CNTNAP2: variants seen among roughly 807,000 people sequenced by gnomAD.
The protein encoded by CNTNAP2 is contactin-associated protein-like 2.
In CNTNAP2, 98 loss-of-function variants were observed where a neutral mutation model predicts 155.2. That is an observed-to-expected ratio of 0.63 (90% CI 0.54 to 0.75). The LOEUF (loss-of-function observed/expected upper bound fraction) is 0.75, where lower values mean the gene tolerates loss of function less well. CNTNAP2 is among the 30% of genes least tolerant of loss of function. The pLI is 0.00. For missense variants in CNTNAP2, 1,727 were observed against 1,688.1 expected (o/e 1.02, Z -0.40); for synonymous variants, 651 against 631.2 (o/e 1.03, Z -0.47).
At chr7:148,242,380 A>C (rs1462417491) in intron 20 of CNTNAP2, among the ~76,000 whole-genome samples, 1 of 152,184 alleles carries the variant, frequency 6.6e-6, no homozygotes, top group East Asian at 1.9e-4. Flanking sequence ...GGCAGGGAGA[A>C]GTCAGTCCTG....
At chr7:147,731,967 T>G (rs1045305168) in intron 13 of CNTNAP2, among the ~76,000 whole-genome samples, 1 of 152,114 alleles carries the variant, frequency 6.6e-6, no homozygotes, top group African/African-American at 2.4e-5. Flanking sequence ...GTGACTGAAT[T>G]GCTGTAATTT....
chr7:146,804,459 T>C (rs1802933097), intron 2 of CNTNAP2, among the ~76,000 whole-genome samples: 1 of 152,116 alleles, frequency 6.6e-6, no homozygotes, highest in African/African-American at 2.4e-5. Flanking sequence ...TCTCCAGGGA[T>C]TTTCATCACC....
intron 1 of CNTNAP2, among the ~76,000 whole-genome samples, chr7:146,563,980 CCT>C (rs1798319371): frequency 6.6e-6 from 1 of 152,038 alleles, no homozygotes; most frequent in Non-Finnish European, 1.5e-5. Flanking sequence ...TTGTATTTCC[CCT>C]CTCATGTCCA....
intron 8 of CNTNAP2, among the ~76,000 whole-genome samples, chr7:147,249,192 T>C (rs776576585): frequency 6.6e-6 from 1 of 152,162 alleles, no homozygotes; most frequent in Admixed American, 6.5e-5. Context: ...CCAGGGACTC[T>C]TTGAGTCAAC....
chr7:146,469,532 T>G (rs1339194962), intron 1 of CNTNAP2, among the ~76,000 whole-genome samples: 2 of 141,290 alleles, frequency 1.4e-5, no homozygotes, highest in African/African-American at 5.3e-5. Flanking sequence ...TTTTTTTTTT[T>G]TTTTTTTTAA....
intron 13 of CNTNAP2, among the ~76,000 whole-genome samples, chr7:147,735,643 T>A (rs970579105): frequency 2.0e-4 from 31 of 152,304 alleles, no homozygotes; most frequent in Non-Finnish European, 3.5e-4. Context: ...CCCATTATTA[T>A]TGTGTGGGAG....
chr7:148,288,571 CT>C (rs1453504636), intron 21 of CNTNAP2, among the ~76,000 whole-genome samples: 3 of 152,140 alleles, frequency 2.0e-5, no homozygotes, highest in Non-Finnish European at 2.9e-5. Context: ...ACCATAGCAT[CT>C]TCTTTAAGAT....
chr7:146,698,458 T>C (rs1230635135), intron 1 of CNTNAP2, among the ~76,000 whole-genome samples: 3 of 152,138 alleles, frequency 2.0e-5, no homozygotes, highest in Admixed American at 6.5e-5. Flanking sequence ...TATTTAAATA[T>C]TTAAAATTTT....
intron 21 of CNTNAP2, among the ~76,000 whole-genome samples, chr7:148,288,919 C>T (rs2177998): frequency 7.4e-6 from 1 of 135,406 alleles, no homozygotes; most frequent in East Asian, 2.1e-4. Flanking sequence ...TTTTTAATTA[C>T]AACAGATTAA....
intron 19 of CNTNAP2, among the ~76,000 whole-genome samples, chr7:148,224,018 A>G (rs899194632): frequency 2.6e-5 from 4 of 152,030 alleles, no homozygotes; most frequent in Admixed American, 1.3e-4. Context: ...GCATGGCTGT[A>G]TGTGTTATAA....
chr7:148,324,414 T>C (rs1797854099), intron 21 of CNTNAP2, among the ~76,000 whole-genome samples: 1 of 152,116 alleles, frequency 6.6e-6, no homozygotes, highest in Non-Finnish European at 1.5e-5. Flanking sequence ...GACTTATTCT[T>C]CTCCATAACT....
At chr7:146,755,540 G>A (rs747238910) in intron 1 of CNTNAP2, among the ~76,000 whole-genome samples, 2 of 151,964 alleles carry the variant, frequency 1.3e-5, no homozygotes, top group Non-Finnish European at 2.9e-5. Context: ...CTTGTCAAGT[G>A]CATTTTCATA....
chr7:146,872,729 T>A (rs111377171), intron 3 of CNTNAP2, among the ~76,000 whole-genome samples: 22 of 152,322 alleles, frequency 1.4e-4, no homozygotes, highest in African/African-American at 5.3e-4. Context: ...AGGCTTAACA[T>A]CTATCTTAGA....
chr7:146,687,756 A>G (rs923174258), intron 1 of CNTNAP2, among the ~76,000 whole-genome samples: 5 of 152,198 alleles, frequency 3.3e-5, no homozygotes, highest in African/African-American at 9.7e-5. Context: ...TGACAATGCA[A>G]CCAGGAGGGG....
chr7:148,255,255 A>G (rs1324997709), intron 20 of CNTNAP2, among the ~76,000 whole-genome samples: 1 of 152,202 alleles, frequency 6.6e-6, no homozygotes, highest in East Asian at 1.9e-4. Context: ...TAAAAGTGCT[A>G]CATGTTTTCT....
chr7:147,069,844 G>T (rs2129265066), intron 4 of CNTNAP2, among the ~76,000 whole-genome samples: 1 of 152,254 alleles, frequency 6.6e-6, no homozygotes, highest in Middle Eastern at 3.4e-3. Context: ...ATGTAGCTAT[G>T]GAGCATTCAA....
At chr7:146,329,829 A>G (rs1013892471) in intron 1 of CNTNAP2, among the ~76,000 whole-genome samples, 1 of 152,128 alleles carries the variant, frequency 6.6e-6, no homozygotes, top group Non-Finnish European at 1.5e-5. Context: ...GAATAGCCAC[A>G]TTACTTCCCT....
chr7:146,475,011 GCGCA>G (rs375026615), intron 1 of CNTNAP2, among the ~76,000 whole-genome samples: 3,891 of 134,688 alleles, frequency 0.029, 75 homozygotes, highest in African/African-American at 0.061. Flanking sequence ...GCGCGCGCGC[GCGCA>G]CACACACACA....
In CNTNAP2 at chr7:147,009,280, C is replaced by T. The variant is rs184141161; in HGVS notation, c.403-34627C>T. Among the ~76,000 whole-genome samples the T allele has an allele frequency of 1.1e-4, 17 of 151,986 alleles. No individual in the cohort carries two copies. The South Asian group carries it at 1.5e-3, about 13-fold the overall frequency. On this transcript the variant is annotated intron_variant, in intron 3 of 23. Transcript: ENST00000361727. The stretch of plus-strand genomic sequence containing the variant: ...TAAGGTCAATGTTCTGATAATCATC[C>T]GATTTTTCCCCATTCTGCTTATAAA...
Sources: allele counts gnomAD v4.1 joint callset (sites outside exome capture counted in the v4.1 genomes callset), GRCh38; gene constraint gnomAD v4.1.1; transcripts MANE v1.5; gene names NCBI Gene and HGNC (gene_info 2026-07-23, HGNC 2026-07-21).